EIF3D: variants seen among roughly 807,000 people sequenced by gnomAD.
EIF3D encodes eukaryotic translation initiation factor 3 subunit D.
A neutral mutation model predicts 75.4 loss-of-function variants in EIF3D; 10 were observed. The observed-to-expected ratio is 0.13, with a 90% CI of 0.08 to 0.22. The LOEUF is 0.22. Ranked by LOEUF, EIF3D falls within the 10% of genes least tolerant of loss-of-function variation. EIF3D has a pLI of 1.00. For missense variants in EIF3D, 394 were observed against 708.0 expected, an observed-to-expected ratio of 0.56 and a Z score of 5.03; for synonymous variants, 246 against 248.3, an observed-to-expected ratio of 0.99 and a Z score of 0.09.
chr22:36,516,162 A>G, intron 12 of EIF3D: 1 of 235,764 alleles, frequency 4.2e-6, no homozygotes, highest in Non-Finnish European at 8.2e-6. Flanking sequence ...ATGCTCAGGG[A>G]GCAGAAGTCA....
chr22:36,520,542 A>G (rs754690445), intron 7 of EIF3D, 34 bp downstream of exon 7: 3 of 1,462,124 alleles, frequency 2.1e-6, no homozygotes, highest in Admixed American at 3.4e-5. Context: ...CACACATAAG[A>G]GCAGTGTAGA....
intron 4 of EIF3D, 88 bp downstream of exon 4, chr22:36,524,508 C>A: frequency 6.3e-7 from 1 of 1,577,466 alleles, no homozygotes; most frequent in South Asian, 1.1e-5. Flanking sequence ...TTCCCTCTCT[C>A]ATTAGGAGTC....
Position 36,525,239 on chromosome 22 carries a change from C to CTTTTT in EIF3D, c.169+420_169+424dup, listed in dbSNP as rs10709824. 4.8e-4 allele frequency among the ~76,000 whole-genome samples: 45 copies of CTTTTT among 93,922 alleles called. 1 individual carries two copies. The highest frequency in any genetic ancestry group is 1.6e-3 in the African/African-American group (45 of 28,176). 61.6% of individuals were successfully genotyped at this position (93,922 alleles called of 152,430 possible). A position where few individuals can be genotyped will look rare whatever the true frequency, so the allele number is the denominator to read the frequency against. The stretch of plus-strand genomic sequence containing the variant: ...CAGGATCTTAAAACCAGGGGTTTTA[C>CTTTTT]TTTTTTTTTTTTTTTTTTTTTTGGA... On this transcript the variant is annotated intron_variant, in intron 3 of 14. Transcript: ENST00000216190.
At chr22:36,519,021 G>T in intron 8 of EIF3D, 111 bp from the exon 9 acceptor site, 1 of 1,410,880 alleles carries the variant, frequency 7.1e-7, no homozygotes. Context: ...TTAATAAGGA[G>T]GCCCCACCTC....
chr22:36,511,096 T>G, intron 14 of EIF3D, 96 bp from the exon 15 acceptor site: 1 of 1,434,676 alleles, frequency 7.0e-7, no homozygotes. Context: ...GCGTGAGTTT[T>G]CAACACTTCC....
intron 9 of EIF3D, 189 bp from the exon 10 acceptor site, chr22:36,517,620 C>G: frequency 1.9e-6 from 1 of 529,132 alleles, no homozygotes. Context: ...CAGGATAACT[C>G]AAGATACTGT....
At position 36,510,943 on chromosome 22, in the gene EIF3D, C is replaced by A; in HGVS notation, c.*44G>T. On this transcript the variant is annotated 3_prime_UTR_variant, in exon 15 of 15. Coordinates refer to ENST00000216190, the MANE Select transcript of EIF3D (RefSeq NM_003753.4). The stretch of plus-strand genomic sequence containing the variant: ...CATTCCACTAAGCATCAAAGGCCCT[C>A]GTAGTCTCGGTGGAAGGACAAACTC... 1 of 1,587,314 alleles carries A rather than the reference C, an allele frequency of 6.3e-7. No homozygotes were observed.
intron 12 of EIF3D, 121 bp from the exon 13 acceptor site, chr22:36,512,723 TAAATC>T: frequency 2.6e-6 from 3 of 1,139,738 alleles, no homozygotes; most frequent in Non-Finnish European, 3.6e-6. Flanking sequence ...AGGTACGCAC[TAAATC>T]TTACCATTTA....
rs1014300036 is a variant in EIF3D at position 36,516,876 on chromosome 22, T to C, written c.991-86A>G. ...AGTCAGACCCAGCACCTCTGCTTAG[T>C]TGCAGCCCTGGCCAGGTTCCTGGGG... On this transcript the variant is annotated intron_variant, in intron 10 of 14. Coordinates refer to ENST00000216190, the MANE Select transcript of EIF3D (RefSeq NM_003753.4). The C allele has an allele frequency of 7.0e-6, 9 of 1,294,176 alleles. No individual in the cohort carries two copies. The East Asian group carries it at 1.2e-4, about 17-fold the overall frequency. 80.2% of individuals were successfully genotyped at this position (1,294,176 alleles called of 1,614,324 possible). A position where few individuals can be genotyped will look rare whatever the true frequency, so the allele number is the denominator to read the frequency against.
At chr22:36,515,768 C>A (rs963326711) in intron 12 of EIF3D, among the ~76,000 whole-genome samples, 10 of 151,916 alleles carry the variant, frequency 6.6e-5, no homozygotes, top group African/African-American at 7.3e-5. Flanking sequence ...GTAACACAGA[C>A]GGCAAAACGA....
rs781625544 is a variant in EIF3D, at chr22:36,517,362, C to T, written c.929G>A (p.Arg310His). ...QDEGNSFNSP[R>H]NLAMEATYIN... is the part of the protein sequence containing the mutation. ...GTAGGTTGCCTCCATGGCCAGGTTG[C>T]GGGGTGAATTGAAGGAATTACCTTC... Residue 310 changes from arginine (R) to histidine (H), a missense_variant, in exon 10 of 15, where the codon CGC becomes CAC. Coordinates refer to ENST00000216190, the MANE Select transcript of EIF3D (RefSeq NM_003753.4). 15 of 1,613,864 alleles carry T rather than the reference C, an allele frequency of 9.3e-6. No individual in the cohort carries two copies. Among genetic ancestry groups the T allele is most frequent in the East Asian group, 8.9e-5 (4 of 44,864 alleles).
chr22:36,528,819 G>C (rs1360156045), intron 1 of EIF3D: 1 of 155,264 alleles, frequency 6.4e-6, no homozygotes, highest in African/African-American at 2.4e-5. Context: ...GGTGAGTTAA[G>C]TGACAATCAA....
intron 1 of EIF3D, among the ~76,000 whole-genome samples, chr22:36,526,550 A>G (rs1934604244): frequency 6.6e-6 from 1 of 152,044 alleles, no homozygotes; most frequent in Non-Finnish European, 1.5e-5. Context: ...TGGTTCTGAG[A>G]TATACCTTCA....
At chr22:36,514,218 T>C (rs150564854) in intron 12 of EIF3D, among the ~76,000 whole-genome samples, 238 of 152,308 alleles carry the variant, frequency 1.6e-3, no homozygotes, top group Middle Eastern at 3.4e-3. Flanking sequence ...GGAAGGTGTT[T>C]TAGCAGAAAA....
At chr22:36,520,435 CCT>C in intron 7 of EIF3D, 139 bp downstream of exon 7, 1 of 541,432 alleles carries the variant, frequency 1.8e-6, no homozygotes, top group Non-Finnish European at 3.1e-6. Flanking sequence ...TTTTCAAATA[CCT>C]CTGTTAACCT....
rs368137178 is a variant in EIF3D, at chr22:36,517,291, G to A, written c.990+10C>T. On this transcript the variant is annotated intron_variant, in intron 10 of 14. Coordinates refer to ENST00000216190, the MANE Select transcript of EIF3D (RefSeq NM_003753.4). Reference sequence around the variant, plus strand: ...AGAATGAATCAATGCCCAGAGACTCGTTTCCTCACCATTCTCAAGCACTGC... The same window carrying A: ...AGAATGAATCAATGCCCAGAGACTCATTTCCTCACCATTCTCAAGCACTGC... 70 of 1,613,648 alleles carry A rather than the reference G, an allele frequency of 4.3e-5. No individual in the cohort carries two copies. The highest frequency in any genetic ancestry group is 5.3e-5 in the Non-Finnish European group (62 of 1,179,810).
intron 11 of EIF3D, 34 bp from the exon 12 acceptor site, chr22:36,516,641 G>C (rs920321550): frequency 6.2e-7 from 1 of 1,613,768 alleles, no homozygotes; most frequent in Non-Finnish European, 8.5e-7. Flanking sequence ...TGGTCACTGG[G>C]GATTCTATAG....
chr22:36,523,764 A>T, intron 5 of EIF3D, 131 bp downstream of exon 5: 1 of 861,526 alleles, frequency 1.2e-6, no homozygotes, highest in South Asian at 1.4e-5. Context: ...AGGGGGCTTA[A>T]CTGGTTGTAG....
At chr22:36,527,980 T>C (rs116877686) in intron 1 of EIF3D, among the ~76,000 whole-genome samples, 3,679 of 152,256 alleles carry the variant, frequency 0.024, 59 homozygotes, top group Non-Finnish European at 0.033. Context: ...ATCTTTCTAA[T>C]AGAAACTATA....
Sources: gnomAD v4.1 joint callset for allele counts (sites outside exome capture counted in the v4.1 genomes callset) on GRCh38, gnomAD v4.1.1 for gene constraint, MANE v1.5 for transcripts, NCBI Gene and HGNC (gene_info 2026-07-23, HGNC 2026-07-21) for gene names.